The following MME variants were observed in gnomAD, a reference collection of about 807,000 sequenced individuals.
MME encodes the protein membrane metalloendopeptidase.
Under a neutral mutation model 113.2 loss-of-function variants are expected in MME, and 98 were observed. The ratio of observed to expected loss-of-function variants is 0.87; its 90% CI spans 0.74 to 1.02. The LOEUF (loss-of-function observed/expected upper bound fraction) is 1.02, where lower values mean the gene tolerates loss of function less well. MME is among the 50% of genes least tolerant of loss of function. The pLI is 0.00. For missense variants in MME, 836 were observed against 896.0 expected (o/e 0.93, Z 0.86); for synonymous variants, 292 against 300.6 (o/e 0.97, Z 0.30).
intron 3 of MME, among the ~76,000 whole-genome samples, chr3:155,096,989 A>G (rs765014984): frequency 6.6e-5 from 10 of 152,194 alleles, no homozygotes; most frequent in Non-Finnish European, 1.2e-4. Flanking sequence ...ATAAGGCACA[A>G]TGTTTCTGTA....
At chr3:155,089,937 A>G in intron 3 of MME, 2 of 382,604 alleles carry the variant, frequency 5.2e-6, no homozygotes, top group Non-Finnish European at 1.1e-5. Flanking sequence ...TCCAGCCTGG[A>G]AGACAGCGCA....
In MME at chr3:155,180,797, A is replaced by G; in HGVS notation, c.*338A>G. ...TGCAAAACCTTTGAGGTAGACCAGG[A>G]TTTCTAATCAAAAGGGAAAAGAAGA... is the stretch of plus-strand genomic sequence containing the variant. On this transcript the variant is annotated 3_prime_UTR_variant, in exon 23 of 23. Coordinates refer to ENST00000360490, the MANE Select transcript of MME (RefSeq NM_007289.4). 3.6e-6 allele frequency: 1 copy of G among 277,706 alleles called. No individual in the cohort carries two copies. Among genetic ancestry groups the G allele is most frequent in the Non-Finnish European group, 7.0e-6 (1 of 142,102 alleles). The allele number at this position is 277,706 out of a possible 1,614,324, so 17.2% of individuals were successfully genotyped here.
chr3:155,075,877 C>T (rs139442091), upstream of MME, among the ~76,000 whole-genome samples: 77 of 152,256 alleles, frequency 5.1e-4, no homozygotes, highest in African/African-American at 1.7e-3. Context: ...TTACACACCC[C>T]GTTGTCTGGT....
At chr3:155,131,377 T>C (rs1720134578) in intron 8 of MME, among the ~76,000 whole-genome samples, 1 of 152,190 alleles carries the variant, frequency 6.6e-6, no homozygotes, top group South Asian at 2.1e-4. Context: ...AGCTATGACA[T>C]GATAAGACAG....
chr3:155,150,453 C>G (rs558289094), intron 16 of MME, among the ~76,000 whole-genome samples: 13 of 152,208 alleles, frequency 8.5e-5, no homozygotes, highest in African/African-American at 3.1e-4. Flanking sequence ...CTTTTTGGTC[C>G]TCCCCATGAG....
At position 155,138,250 on chromosome 3, in the gene MME, T is replaced by G. The variant is rs774720833; in HGVS notation, c.855+14T>G. ...GAAATTGCCAATGTAAAACACATTT[T>G]TTTTTCTGATACACTGAATAATGTC... On this transcript the variant is annotated intron_variant, in intron 9 of 22. Transcript: ENST00000360490. 8 of 1,612,216 alleles carry G rather than the reference T, an allele frequency of 5.0e-6. No homozygotes were observed. The highest frequency in any genetic ancestry group is 5.9e-6 in the Non-Finnish European group (7 of 1,178,642).
In MME at chr3:155,115,943, G is replaced by A. The variant is rs545790603; in HGVS notation, c.359-536G>A. Among the ~76,000 whole-genome samples, 44 of 152,162 alleles carry A rather than the reference G, an allele frequency of 2.9e-4. 1 individual carries two copies. Among genetic ancestry groups the A allele is most frequent in the African/African-American group, 8.9e-4 (37 of 41,516 alleles). ...AAGTCCCTCCTATCCTTTGTTCTCT[G>A]TTCTCCCCTCTTCTAGAAGTTATTT... is the stretch of plus-strand genomic sequence containing the variant. On this transcript the variant is annotated intron_variant, in intron 4 of 22. Transcript: ENST00000360490.
In MME at chr3:155,073,258, A is replaced by T. The variant is rs7649865; in HGVS notation, c.-10-10900A>T. Among the ~76,000 whole-genome samples, 721 of 152,336 alleles carry T rather than the reference A, an allele frequency of 4.7e-3. 5 individuals are homozygous for T. Among genetic ancestry groups the T allele is most frequent in the African/African-American group, 0.017 (690 of 41,578 alleles). ...TTTCCGAGCCTACAAGTTAAAAATG[A>T]TCTTACATTTTTAAGAACAAACAGA... On this transcript the variant is annotated intron_variant, in intron 1 of 22. Transcript: ENST00000492661.
At chr3:155,062,834 G>A (rs373804106) in intron 1 of MME, among the ~76,000 whole-genome samples, 13 of 151,670 alleles carry the variant, frequency 8.6e-5, no homozygotes, top group African/African-American at 1.2e-4. Flanking sequence ...TCAGGAGTTC[G>A]AGACCACCCT....
At chr3:155,179,588 G>C (rs527906732) in intron 22 of MME, among the ~76,000 whole-genome samples, 3 of 152,264 alleles carry the variant, frequency 2.0e-5, no homozygotes, top group African/African-American at 7.2e-5. Context: ...AAGCAAACGT[G>C]GTAGGCTGGC....
upstream of MME, among the ~76,000 whole-genome samples, chr3:155,077,022 G>A (rs181540983): frequency 2.4e-4 from 37 of 152,068 alleles, no homozygotes; most frequent in South Asian, 6.0e-3. Context: ...TGTGCCAACC[G>A]ACCTCCTACA....
intron 13 of MME, 93 bp downstream of exon 13, chr3:155,143,664 A>G (rs1344937158): frequency 2.1e-6 from 3 of 1,460,964 alleles, no homozygotes; most frequent in Non-Finnish European, 2.9e-6. Flanking sequence ...TCATTTGGCT[A>G]AAATTTTATT....
chr3:155,172,307 C>A, intron 21 of MME, 95 bp downstream of exon 21: 1 of 910,080 alleles, frequency 1.1e-6, no homozygotes, highest in Non-Finnish European at 1.8e-6. Flanking sequence ...CCTTGTTTTA[C>A]AGAGCATTTG....
At chr3:155,126,938 T>C (rs558341503) in intron 8 of MME, among the ~76,000 whole-genome samples, 27 of 139,238 alleles carry the variant, frequency 1.9e-4, no homozygotes, top group African/African-American at 6.3e-4. Flanking sequence ...ACCCAGGAGA[T>C]AAAGGTTGCA....
intron 1 of MME, among the ~76,000 whole-genome samples, chr3:155,063,957 T>A (rs10446334): frequency 0.091 from 13,782 of 150,820 alleles, 658 homozygotes; most frequent in South Asian, 0.12. Flanking sequence ...TGTGGTGGTA[T>A]GGGTGGTAGT....
intron 1 of MME, among the ~76,000 whole-genome samples, chr3:155,073,828 A>G (rs940973201): frequency 1.3e-5 from 2 of 151,968 alleles, no homozygotes; most frequent in African/African-American, 4.8e-5. Flanking sequence ...GGGTCTTTTA[A>G]GGTTGTGTTT....
rs1359623484 is a variant in MME, at chr3:155,115,026, A to G, written c.229A>G (p.Thr77Ala). Residue 77 changes from threonine to alanine, a missense_variant, in exon 4 of 23, where the codon ACT becomes GCT. Coordinates refer to ENST00000360490, the MANE Select transcript of MME (RefSeq NM_007289.4). ...ARLIQNMDAT[T>A]EPCTDFFKYA... ...ACTGATCCAAAACATGGATGCCACCACTGAGCCTTGTACAGACTTTTTCAA... is the reference window on the plus strand; with the variant it reads ...ACTGATCCAAAACATGGATGCCACCGCTGAGCCTTGTACAGACTTTTTCAA... The G allele has an allele frequency of 1.2e-6, 2 of 1,614,086 alleles. No homozygotes were observed. The highest frequency in any genetic ancestry group is 1.7e-6 in the Non-Finnish European group (2 of 1,179,988).
intron 3 of MME, among the ~76,000 whole-genome samples, chr3:155,092,078 C>G (rs2033601140): frequency 6.6e-6 from 1 of 152,162 alleles, no homozygotes; most frequent in South Asian, 2.1e-4. Context: ...AGGATTTCCC[C>G]TCCCTCTGCC....
chr3:155,160,211 C>T (rs1355014962), intron 16 of MME, among the ~76,000 whole-genome samples, 179 bp from the exon 17 acceptor site: 1 of 151,966 alleles, frequency 6.6e-6, no homozygotes, highest in African/African-American at 2.4e-5. Flanking sequence ...TGATGTTTTT[C>T]AAGAAATAGA....
Sources: allele counts gnomAD v4.1 joint callset (sites outside exome capture counted in the v4.1 genomes callset), GRCh38; gene constraint gnomAD v4.1.1; transcripts MANE v1.5; gene names NCBI Gene and HGNC (gene_info 2026-07-23, HGNC 2026-07-21).